SF3A1: variants seen among roughly 807,000 people sequenced by gnomAD.
SF3A1 encodes the protein SAP 114.
Under a neutral mutation model 89.9 loss-of-function variants are expected in SF3A1, and 13 were observed. The ratio of observed to expected loss-of-function variants is 0.14; its 90% CI spans 0.09 to 0.23. The LOEUF (loss-of-function observed/expected upper bound fraction) is 0.23. Ranked by LOEUF, SF3A1 falls within the 10% of genes least tolerant of loss-of-function variation. The pLI is 1.00. For synonymous variants in SF3A1, 405 were observed against 374.4 expected, an observed-to-expected ratio of 1.08 and a Z score of -0.94; for missense variants, 604 against 1,022.1, an observed-to-expected ratio of 0.59 and a Z score of 5.58.
intron 12 of SF3A1, 31 bp from the exon 13 acceptor site, chr22:30,337,211 G>C (rs1161071774): frequency 1.3e-6 from 2 of 1,576,932 alleles, no homozygotes; most frequent in East Asian, 4.5e-5. Context: ...AGCCCCATGA[G>C]AGGGCAGAAG....
chr22:30,351,311 A>G (rs1931586599), intron 2 of SF3A1, among the ~76,000 whole-genome samples: 1 of 152,182 alleles, frequency 6.6e-6, no homozygotes, highest in Admixed American at 6.5e-5. Flanking sequence ...TAAAAAAAAA[A>G]AAAAGAAAGT....
chr22:30,352,812 C>T (rs1229120133), intron 2 of SF3A1, 139 bp downstream of exon 2: 2 of 956,870 alleles, frequency 2.1e-6, no homozygotes, highest in Non-Finnish European at 3.1e-6. Context: ...CTATTGCCTA[C>T]CCCAGTGCCA....
Position 30,338,848 on chromosome 22 carries a change from A to G in SF3A1, c.1684T>C (p.Ser562Pro), listed in dbSNP as rs1569170660. Reference sequence around the variant, plus strand: ...GCCGAGCTGGGGATGTTGGTGGCTGAAGATGGTGGCGGTGGCTGTTGAGGG... The same window carrying G: ...GCCGAGCTGGGGATGTTGGTGGCTGGAGATGGTGGCGGTGGCTGTTGAGGG... ...EIPQQPPPPS[S>P]ATNIPSSAPP... Residue 562 changes from serine to proline, a missense_variant, in exon 11 of 16, where the codon TCA becomes CCA. Coordinates refer to ENST00000215793, the MANE Select transcript of SF3A1 (RefSeq NM_005877.6). 3 of 1,614,186 alleles carry G rather than the reference A, an allele frequency of 1.9e-6. No individual in the cohort carries two copies. The highest frequency in any genetic ancestry group is 1.3e-5 in the African/African-American group (1 of 75,052).
At chr22:30,351,281 G>C (rs1271822685) in intron 2 of SF3A1, among the ~76,000 whole-genome samples, 1 of 151,158 alleles carries the variant, frequency 6.6e-6, no homozygotes, top group Non-Finnish European at 1.5e-5. Context: ...CCTGGCAACA[G>C]AGTGAGACTC....
intron 4 of SF3A1, 85 bp from the exon 5 acceptor site, chr22:30,342,964 C>G (rs1931307665): frequency 2.4e-6 from 2 of 835,496 alleles, no homozygotes; most frequent in Non-Finnish European, 4.0e-6. Flanking sequence ...TGATAAAGCA[C>G]AGGAGATGAG....
chr22:30,340,377 G>A lies in SF3A1; in HGVS notation c.1194C>T (p.Ser398=). The change falls in exon 9 of 16, where the codon TCC becomes TCT. Residue 398 remains serine (S), a synonymous_variant. Transcript: ENST00000215793. ...GAGCAGGGGCTGGAGGCAAGGGCTT[G>A]GAGGCTAAAAGGAAACAGATGTTTC... ...IVRKDYDPKA[S]KPLPPAPAPD... 1.9e-6 allele frequency: 3 copies of A among 1,611,770 alleles called. No homozygotes were observed. Among genetic ancestry groups the A allele is most frequent in the African/African-American group, 1.3e-5 (1 of 74,832 alleles).
chr22:30,347,232 G>A (rs1033284274), intron 2 of SF3A1, among the ~76,000 whole-genome samples: 1 of 152,212 alleles, frequency 6.6e-6, no homozygotes, highest in Non-Finnish European at 1.5e-5. Context: ...AGGAGTCTGA[G>A]GCTGCAGTGG....
chr22:30,350,694 C>G (rs539469536), intron 2 of SF3A1, among the ~76,000 whole-genome samples: 1 of 152,190 alleles, frequency 6.6e-6, no homozygotes, highest in Admixed American at 6.5e-5. Context: ...ATTCCAAGGA[C>G]AGAAGGAAAC....
Position 30,356,885 on chromosome 22 carries a change from G to A in SF3A1, c.-93C>T, listed in dbSNP as rs1464771015. The A allele has an allele frequency of 2.3e-5, 25 of 1,103,550 alleles. No homozygotes were observed. The highest frequency in any genetic ancestry group is 2.9e-5 in the Non-Finnish European group (25 of 863,352). 68.4% of individuals were successfully genotyped at this position (1,103,550 alleles called of 1,614,324 possible). Reference sequence around the variant, plus strand: ...CCCGCTCGGTCAGTACGACGAGCTCGCAAGATGGCGGCGGCCGAGCGAGTT... The same window carrying A: ...CCCGCTCGGTCAGTACGACGAGCTCACAAGATGGCGGCGGCCGAGCGAGTT... On this transcript the variant is annotated 5_prime_UTR_variant, in exon 1 of 16. Transcript: ENST00000215793.
intron 15 of SF3A1, 53 bp from the exon 16 acceptor site, chr22:30,334,748 C>T (rs982774729): frequency 3.2e-5 from 40 of 1,263,114 alleles, no homozygotes; most frequent in Non-Finnish European, 4.2e-5. Context: ...TTGGGGATAC[C>T]GCTGCAACCT....
In SF3A1 at chr22:30,335,647, C is replaced by T. The variant is rs1331171997; in HGVS notation, c.2208+5G>A. ...CCTGATGCCAGTTTCTGGCAGTACC[C>T]ATACCTGGTCCGTGAGTGGGAGGGT... On this transcript the variant is annotated splice_donor_5th_base_variant and intron_variant, in intron 14 of 15. Transcript: ENST00000215793. 2 of 1,613,722 alleles carry T rather than the reference C, an allele frequency of 1.2e-6. No individual in the cohort carries two copies. The highest frequency in any genetic ancestry group is 1.7e-6 in the Non-Finnish European group (2 of 1,179,694).
rs202130840 is a variant in SF3A1 at position 30,342,170 on chromosome 22, C to A, written c.877+30G>T. 2.5e-6 allele frequency: 4 copies of A among 1,613,530 alleles called. No individual in the cohort carries two copies. The highest frequency in any genetic ancestry group is 3.4e-6 in the Non-Finnish European group (4 of 1,179,616). On this transcript the variant is annotated intron_variant, in intron 6 of 15. Transcript: ENST00000215793. The stretch of plus-strand genomic sequence containing the variant: ...CCCGGGAAGTCTGAGTTCCTGGCTC[C>A]CCATCTGGAGTCACTCCTCACAGAC...
rs1931891162 is a variant in SF3A1, at chr22:30,356,788, G to C, written c.5C>G (p.Pro2Arg). M[P>R]AGPVQAVPPP... ...GGGCACCGCCTGCACGGGTCCGGCCGGCATGACTGCGACGCTCAGGGCTGC... is the reference window on the plus strand; with the variant it reads ...GGGCACCGCCTGCACGGGTCCGGCCCGCATGACTGCGACGCTCAGGGCTGC... Residue 2 changes from proline (P) to arginine (R), a missense_variant, in exon 1 of 16, where the codon CCG becomes CGG. Around this residue, in one of 9 missense-constraint regions of SF3A1, gnomAD observed 55 missense variants for 43.8 expected, o/e 1.25. Transcript: ENST00000215793. The C allele has an allele frequency of 1.4e-6, 2 of 1,417,452 alleles. No individual in the cohort carries two copies. Among genetic ancestry groups the C allele is most frequent in the Non-Finnish European group, 1.9e-6 (2 of 1,076,290 alleles). 87.8% of individuals were successfully genotyped at this position (1,417,452 alleles called of 1,614,324 possible).
At chr22:30,345,373 T>C (rs756910243) in intron 3 of SF3A1, among the ~76,000 whole-genome samples, 183 bp from the exon 4 acceptor site, 1 of 152,196 alleles carries the variant, frequency 6.6e-6, no homozygotes, top group African/African-American at 2.4e-5. Context: ...GAGCATTGAC[T>C]TCCCAGCCAA....
At chr22:30,353,146 T>TA in intron 1 of SF3A1, 74 bp from the exon 2 acceptor site, 1 of 1,550,792 alleles carries the variant, frequency 6.4e-7, no homozygotes, top group South Asian at 1.2e-5. Context: ...AAAACTCCTC[T>TA]AGGATATCAT....
intron 6 of SF3A1, 51 bp downstream of exon 6, chr22:30,342,149 G>A: frequency 6.2e-7 from 1 of 1,605,492 alleles, no homozygotes. Flanking sequence ...AGGTTTCCCG[G>A]GAAGTCTGAG....
chr22:30,335,936 G>C (rs866497302), intron 13 of SF3A1, among the ~76,000 whole-genome samples, 183 bp from the exon 14 acceptor site: 10 of 152,138 alleles, frequency 6.6e-5, no homozygotes, highest in African/African-American at 2.4e-4. Context: ...GCAAGATTAG[G>C]TTTCTTTTCT....
intron 15 of SF3A1, 64 bp from the exon 16 acceptor site, chr22:30,334,759 T>A: frequency 8.8e-7 from 1 of 1,137,802 alleles, no homozygotes; most frequent in Non-Finnish European, 1.3e-6. Context: ...GCTGCAACCT[T>A]ACAACTGTGC....
At chr22:30,336,721 C>A (rs139876592) in intron 13 of SF3A1, among the ~76,000 whole-genome samples, 1 of 152,202 alleles carries the variant, frequency 6.6e-6, no homozygotes, top group Non-Finnish European at 1.5e-5. Context: ...CCCTCTCACA[C>A]GTGAGTTGTG....
Sources: gnomAD v4.1 joint callset for allele counts (sites outside exome capture counted in the v4.1 genomes callset) on GRCh38, gnomAD v4.1.1 for gene constraint, gnomAD v4.1.1 regional missense constraint, MANE v1.5 for transcripts, NCBI Gene and HGNC (gene_info 2026-07-23, HGNC 2026-07-21) for gene names.